Variants in P4HA1 observed in about 807,000 individuals in gnomAD.
The protein encoded by P4HA1 is prolyl 4-hydroxylase subunit alpha 1, also known as prolyl 4-hydroxylase subunit alpha-1.
In P4HA1, 24 loss-of-function variants were observed where a neutral mutation model predicts 72.8. The ratio of observed to expected loss-of-function variants is 0.33; its 90% CI spans 0.24 to 0.46. The LOEUF (loss-of-function observed/expected upper bound fraction) is 0.46. Among genes scored for constraint, P4HA1 ranks in the 20% least tolerant of loss-of-function variants. The probability of loss-of-function intolerance (pLI) is 1.00; values close to 1 mark genes in which losing one functional copy is unlikely to be tolerated. For synonymous variants in P4HA1, 201 were observed against 218.8 expected, an observed-to-expected ratio of 0.92 and a Z score of 0.72; for missense variants, 446 against 640.6, an observed-to-expected ratio of 0.70 and a Z score of 3.28.
At chr10:73,080,425 C>G (rs1484013673) in intron 1 of P4HA1, among the ~76,000 whole-genome samples, 9 of 152,194 alleles carry the variant, frequency 5.9e-5, no homozygotes. Context: ...CCACTGGATA[C>G]AGCAAACAAC....
At chr10:73,069,806 G>GTTTTTTTTT (rs201651550) in intron 4 of P4HA1, among the ~76,000 whole-genome samples, 1 of 147,420 alleles carries the variant, frequency 6.8e-6, no homozygotes, top group African/African-American at 2.6e-5. Flanking sequence ...ATAATCAACT[G>GTTTTTTTTT]TTTTGTTTTT....
chr10:73,018,637 ACCTCATCATGGTG>A lies in P4HA1; in HGVS notation c.1249-1751_1249-1739del, dbSNP rs1220842165. On this transcript the variant is annotated intron_variant, in intron 10 of 14. Transcript: ENST00000394890. The stretch of plus-strand genomic sequence containing the variant: ...TAGAACCTGGTGCCTCATCCAGGGC[ACCTCATCATGGTG>A]CCTCATCCCCAGGGATAGGAGTTGC... Among the ~76,000 whole-genome samples the A allele has an allele frequency of 6.9e-5, 10 of 144,470 alleles. 1 individual carries two copies. The highest frequency in any genetic ancestry group is 2.8e-4 in the African/African-American group (10 of 35,270). 94.8% of individuals were successfully genotyped at this position (144,470 alleles called of 152,430 possible). A position where few individuals can be genotyped will look rare whatever the true frequency, so the allele number is the denominator to read the frequency against.
rs1840617251 is a variant in P4HA1 at position 73,037,556 on chromosome 10, TATATA to T, written c.1149-7191_1149-7187del. 1.0e-3 allele frequency among the ~76,000 whole-genome samples: 37 copies of T among 35,398 alleles called. 1 individual carries two copies. Among genetic ancestry groups the T allele is most frequent in the African/African-American group, 3.5e-3 (30 of 8,488 alleles). The allele number at this position is 35,398 out of a possible 152,430, so 23.2% of individuals were successfully genotyped here. On this transcript the variant is annotated intron_variant, in intron 9 of 14. Coordinates refer to ENST00000394890, the MANE Select transcript of P4HA1 (RefSeq NM_001017962.3). ...ATATATATATATATATATATATATA[TATATA>T]TATATATATATTTTTTTTTTTTTTT...
chr10:73,060,011 A>G (rs1353966155), intron 5 of P4HA1, among the ~76,000 whole-genome samples: 1 of 152,112 alleles, frequency 6.6e-6, no homozygotes, highest in African/African-American at 2.4e-5. Flanking sequence ...AATCTGAGGA[A>G]ATGAAATAAA....
intron 1 of P4HA1, among the ~76,000 whole-genome samples, chr10:73,079,391 G>A (rs916262202): frequency 5.9e-5 from 9 of 152,082 alleles, no homozygotes; most frequent in East Asian, 1.9e-4. Flanking sequence ...AGGCTGCAGC[G>A]GGCCATGAAT....
Position 73,051,063 on chromosome 10 carries a change from C to T in P4HA1, c.890G>A (p.Gly297Asp). 1 of 1,612,904 alleles carries T rather than the reference C, an allele frequency of 6.2e-7. No individual in the cohort carries two copies. The highest frequency in any genetic ancestry group is 8.5e-7 in the Non-Finnish European group (1 of 1,179,420). The change falls in exon 7 of 15, where the codon GGT (glycine) becomes GAT (aspartate). Residue 297 changes from glycine (G) to aspartate (D), a missense_variant. Physicochemically the swap from Gly to Asp is moderately conservative, Grantham distance 94. Coordinates refer to ENST00000394890, the MANE Select transcript of P4HA1 (RefSeq NM_001017962.3). ...QKYEMLCRGE[G>D]IKMTPRRQKK... Reference sequence around the variant, plus strand: ...GCTTTTCCACTTTACCATTTTGATACCCTCCCCACGGCACAGCATTTCGTA... The same window carrying T: ...GCTTTTCCACTTTACCATTTTGATATCCTCCCCACGGCACAGCATTTCGTA...
chr10:73,050,717 T>C (rs1306400072), intron 7 of P4HA1, among the ~76,000 whole-genome samples: 2 of 143,260 alleles, frequency 1.4e-5, no homozygotes, highest in African/African-American at 2.6e-5. Context: ...AAAAAAAAAG[T>C]TTTTTAGAGA....
chr10:73,084,895 T>C (rs992669150), intron 1 of P4HA1, among the ~76,000 whole-genome samples: 5 of 152,162 alleles, frequency 3.3e-5, no homozygotes, highest in Admixed American at 3.3e-4. Context: ...ATCCCAGCAC[T>C]TTGGGAGGCC....
chr10:73,092,401 G>A (rs1281895174), intron 1 of P4HA1, among the ~76,000 whole-genome samples: 10 of 137,104 alleles, frequency 7.3e-5, no homozygotes, highest in African/African-American at 2.7e-4. Context: ...CCAGGCTAGA[G>A]TGCAATGGTG....
intron 1 of P4HA1, among the ~76,000 whole-genome samples, chr10:73,092,341 CTTT>C (rs1842049602): frequency 7.4e-6 from 1 of 134,356 alleles, no homozygotes; most frequent in Non-Finnish European, 1.6e-5. Flanking sequence ...ATTTTTTTTT[CTTT>C]TCTTTTTTTT....
At chr10:73,073,223 T>A (rs1445487256) in intron 3 of P4HA1, among the ~76,000 whole-genome samples, 1 of 105,444 alleles carries the variant, frequency 9.5e-6, no homozygotes, top group East Asian at 4.1e-4. Flanking sequence ...CCATATTCTT[T>A]TTTTTTTTTT....
intron 10 of P4HA1, among the ~76,000 whole-genome samples, chr10:73,024,469 A>C (rs191869163): frequency 2.3e-4 from 35 of 152,368 alleles, no homozygotes; most frequent in African/African-American, 7.9e-4. Flanking sequence ...AACGTACCAG[A>C]ATCTCTGGGA....
chr10:73,062,256 A>G (rs1841329557), intron 5 of P4HA1, among the ~76,000 whole-genome samples: 1 of 152,162 alleles, frequency 6.6e-6, no homozygotes, highest in Non-Finnish European at 1.5e-5. Flanking sequence ...GTGACATTTG[A>G]TATTTTCCAT....
At chr10:73,069,778 C>T in intron 4 of P4HA1, among the ~76,000 whole-genome samples, 1 of 151,048 alleles carries the variant, frequency 6.6e-6, no homozygotes, top group Non-Finnish European at 1.5e-5. Flanking sequence ...TGAGACTTCC[C>T]TCTCTTCTCA....
At chr10:73,028,220 A>C (rs1005547642) in intron 10 of P4HA1, among the ~76,000 whole-genome samples, 1 of 145,344 alleles carries the variant, frequency 6.9e-6, no homozygotes, top group Non-Finnish European at 1.5e-5. Context: ...AGCTTTCATA[A>C]TTTTGAGATA....
intron 1 of P4HA1, among the ~76,000 whole-genome samples, chr10:73,079,611 A>G (rs1841779701): frequency 6.6e-6 from 1 of 151,964 alleles, no homozygotes; most frequent in African/African-American, 2.4e-5. Flanking sequence ...GCGTGGTGGC[A>G]GGCGCCTATA....
chr10:73,053,286 A>T, intron 6 of P4HA1, 65 bp downstream of exon 6: 1 of 1,478,514 alleles, frequency 6.8e-7, no homozygotes. Flanking sequence ...AGGGAAAGAC[A>T]GAAAAATAGA....
intron 5 of P4HA1, among the ~76,000 whole-genome samples, chr10:73,066,570 T>C (rs1440536172): frequency 6.6e-6 from 1 of 152,040 alleles, no homozygotes. Flanking sequence ...CAGGTTGGAG[T>C]GTAGTGGCGT....
rs1841065714 is a variant in P4HA1 at position 73,053,501 on chromosome 10, G to A, written c.553C>T (p.Leu185=). 2.5e-6 allele frequency: 4 copies of A among 1,613,906 alleles called. No homozygotes were observed. The highest frequency in any genetic ancestry group is 1.7e-5 in the Admixed American group (1 of 59,998). The change falls in exon 6 of 15, where the codon CTG becomes TTG. Residue 185 remains leucine, a synonymous_variant. Coordinates refer to ENST00000394890, the MANE Select transcript of P4HA1 (RefSeq NM_001017962.3). ...YTEADYYHTE[L]WMEQALRQLD... is the part of the protein sequence containing the mutation. Reference sequence around the variant, plus strand: ...TGCCTTAGGGCTTGTTCCATCCACAGTTCCGTATGGTAATAATCTGCTTCT... The same window carrying A: ...TGCCTTAGGGCTTGTTCCATCCACAATTCCGTATGGTAATAATCTGCTTCT...
Sources: allele counts gnomAD v4.1 joint callset (sites outside exome capture counted in the v4.1 genomes callset), GRCh38; gene constraint gnomAD v4.1.1; transcripts MANE v1.5; gene names NCBI Gene and HGNC (gene_info 2026-07-23, HGNC 2026-07-21).